Variants in SAMD12 observed in about 807,000 individuals in gnomAD.
SAMD12 encodes sterile alpha motif domain containing 12.
Under a neutral mutation model 15.0 loss-of-function variants are expected in SAMD12, and 9 were observed. The observed-to-expected ratio is 0.60, with a 90% CI of 0.36 to 1.05. The LOEUF (loss-of-function observed/expected upper bound fraction) is 1.05. Among genes scored for constraint, SAMD12 ranks in the 50% least tolerant of loss-of-function variants. SAMD12 has a pLI of 0.01. For missense variants in SAMD12, 230 were observed against 234.2 expected, an observed-to-expected ratio of 0.98 and a Z score of 0.12; for synonymous variants, 86 against 90.1, an observed-to-expected ratio of 0.96 and a Z score of 0.25.
chr8:118,463,522 G>A (rs1298789525), intron 2 of SAMD12, among the ~76,000 whole-genome samples: 1 of 152,148 alleles, frequency 6.6e-6, no homozygotes, highest in Non-Finnish European at 1.5e-5. Flanking sequence ...CCTGGGCTCT[G>A]GGAAGGTGGG....
intron 2 of SAMD12, among the ~76,000 whole-genome samples, chr8:118,558,779 G>C (rs958084016): frequency 1.3e-5 from 2 of 151,844 alleles, no homozygotes; most frequent in Non-Finnish European, 2.9e-5. Flanking sequence ...GGATGATCTC[G>C]ATCTCCTGAC....
chr8:118,410,761 C>T (rs1821370632), intron 3 of SAMD12, among the ~76,000 whole-genome samples: 2 of 152,166 alleles, frequency 1.3e-5, no homozygotes, highest in South Asian at 4.1e-4. Context: ...TCAGCAGAGC[C>T]TATCTGAAGT....
At chr8:118,380,597 G>A (rs1819620538) in intron 3 of SAMD12, among the ~76,000 whole-genome samples, 1 of 152,134 alleles carries the variant, frequency 6.6e-6, no homozygotes, top group Non-Finnish European at 1.5e-5. Context: ...AGTGATCATT[G>A]CTAAATGCCC....
downstream of SAMD12, among the ~76,000 whole-genome samples, chr8:118,376,490 A>C (rs916665810): frequency 3.3e-5 from 5 of 152,156 alleles, no homozygotes; most frequent in African/African-American, 1.2e-4. Flanking sequence ...CTCATCAGAC[A>C]CTGAATCTGC....
At chr8:118,250,901 G>A (rs1047914638) in intron 4 of SAMD12, among the ~76,000 whole-genome samples, 1 of 152,086 alleles carries the variant, frequency 6.6e-6, no homozygotes, top group Non-Finnish European at 1.5e-5. Flanking sequence ...GTCAAAGAGA[G>A]TCTGTCCTAC....
intron 2 of SAMD12, among the ~76,000 whole-genome samples, chr8:118,531,133 A>T (rs911945511): frequency 1.3e-5 from 2 of 152,230 alleles, no homozygotes; most frequent in Non-Finnish European, 2.9e-5. Flanking sequence ...ATCCAGTTTC[A>T]GCTTTCTACA....
intron 4 of SAMD12, among the ~76,000 whole-genome samples, chr8:118,331,963 T>C (rs561383878): frequency 1.3e-5 from 2 of 152,254 alleles, no homozygotes; most frequent in South Asian, 4.1e-4. Flanking sequence ...TGTATTAATA[T>C]TACTTAAACA....
At chr8:118,550,600 C>G (rs1449691538) in intron 2 of SAMD12, among the ~76,000 whole-genome samples, 1 of 152,178 alleles carries the variant, frequency 6.6e-6, no homozygotes, top group East Asian at 1.9e-4. Context: ...ACCATCAAGA[C>G]TAGGAAGAAA....
chr8:118,365,755 A>G (rs1166352277), intron 4 of SAMD12, among the ~76,000 whole-genome samples: 1 of 152,134 alleles, frequency 6.6e-6, no homozygotes, highest in African/African-American at 2.4e-5. Flanking sequence ...AAGAACCCTA[A>G]TACAGCCTCA....
the SAMD12 span, among the ~76,000 whole-genome samples, chr8:118,140,973 T>C: frequency 2.0e-5 from 3 of 152,224 alleles, no homozygotes; most frequent in Non-Finnish European, 4.4e-5. Flanking sequence ...TTGGGCTGAG[T>C]CACTGAGATT....
chr8:118,533,925 G>A (rs1825761370), intron 2 of SAMD12, among the ~76,000 whole-genome samples: 1 of 152,154 alleles, frequency 6.6e-6, no homozygotes, highest in Non-Finnish European at 1.5e-5. Context: ...TTTAATTGGA[G>A]CATTTAGCCC....
chr8:118,419,459 G>C (rs2130838983), intron 3 of SAMD12, among the ~76,000 whole-genome samples: 1 of 152,326 alleles, frequency 6.6e-6, no homozygotes, highest in East Asian at 1.9e-4. Context: ...AAACCTGTAA[G>C]ATTCTGGGGA....
chr8:118,463,676 C>G (rs746196905), intron 2 of SAMD12, among the ~76,000 whole-genome samples: 2 of 152,076 alleles, frequency 1.3e-5, no homozygotes, highest in Admixed American at 6.5e-5. Flanking sequence ...CGGAAAAAAC[C>G]CAGGTGGCAA....
chr8:118,290,717 C>T (rs1445464267), intron 4 of SAMD12, among the ~76,000 whole-genome samples: 3 of 152,128 alleles, frequency 2.0e-5, no homozygotes, highest in Non-Finnish European at 4.4e-5. Context: ...TAAAGGGGAT[C>T]TTGCAAAAAG....
At chr8:118,420,108 A>G (rs1821928440) in intron 3 of SAMD12, among the ~76,000 whole-genome samples, 1 of 152,186 alleles carries the variant, frequency 6.6e-6, no homozygotes, top group South Asian at 2.1e-4. Context: ...TCTGCTGCTC[A>G]TTTACCTAGG....
At chr8:118,300,579 C>T (rs535436100) in intron 4 of SAMD12, among the ~76,000 whole-genome samples, 2 of 152,192 alleles carry the variant, frequency 1.3e-5, no homozygotes, top group Admixed American at 6.5e-5. Context: ...TTCAGTGTGT[C>T]GTCCCACATC....
chr8:118,438,412 T>TA (rs201726220), intron 3 of SAMD12, among the ~76,000 whole-genome samples: 11 of 74,786 alleles, frequency 1.5e-4, no homozygotes, highest in East Asian at 5.3e-4. Flanking sequence ...CTTAAATGTT[T>TA]AAAAAAAATT....
At chr8:118,178,353 G>A in the SAMD12 span, among the ~76,000 whole-genome samples, 16,599 of 152,136 alleles carry the variant, frequency 0.11, 2,469 homozygotes, top group African/African-American at 0.33. Context: ...TCTGAAAAAA[G>A]TGAGGGACAC....
intron 1 of SAMD12, among the ~76,000 whole-genome samples, chr8:118,599,870 T>C (rs1827817557): frequency 6.6e-6 from 1 of 152,118 alleles, no homozygotes; most frequent in Non-Finnish European, 1.5e-5. Context: ...AAAGTCTCCA[T>C]GTGAGCAAAA....
Sources: gnomAD v4.1 joint callset for allele counts (sites outside exome capture counted in the v4.1 genomes callset) on GRCh38, gnomAD v4.1.1 for gene constraint, MANE v1.5 for transcripts, NCBI Gene and HGNC (gene_info 2026-07-23, HGNC 2026-07-21) for gene names.